Variants in LYRM4 observed in about 807,000 individuals in gnomAD.
The protein encoded by LYRM4 is LYR motif-containing protein 4.
Under a neutral mutation model 11.7 loss-of-function variants are expected in LYRM4, and 9 were observed. The observed-to-expected ratio is 0.77, with a 90% CI of 0.46 to 1.34. LYRM4 has a LOEUF of 1.34. LYRM4 is among the 40% of genes most tolerant of loss of function. The pLI is 0.00. For missense variants in LYRM4, 133 were observed against 112.5 expected (o/e 1.18, Z -0.82); for synonymous variants, 42 against 40.4 (o/e 1.04, Z -0.15).
chr6:5,253,557 TGCGACAACTC>T (rs1764528741), intron 1 of LYRM4, among the ~76,000 whole-genome samples: 1 of 152,166 alleles, frequency 6.6e-6, no homozygotes, highest in Non-Finnish European at 1.5e-5. Context: ...AGCGACAACT[TGCGACAACTC>T]ATTTGGCCTA....
the LYRM4 span, among the ~76,000 whole-genome samples, chr6:5,072,478 G>A: frequency 6.6e-6 from 1 of 151,720 alleles, no homozygotes; most frequent in East Asian, 1.9e-4. Flanking sequence ...CCACAACCTC[G>A]TCAGCATCTG....
intron 2 of LYRM4, among the ~76,000 whole-genome samples, chr6:5,193,457 G>C (rs1387281997): frequency 1.3e-5 from 2 of 152,168 alleles, no homozygotes; most frequent in Non-Finnish European, 2.9e-5. Flanking sequence ...TCCTCAGATA[G>C]AGCAGTGAAG....
the LYRM4 span, among the ~76,000 whole-genome samples, chr6:5,094,411 G>T: frequency 6.6e-6 from 1 of 152,188 alleles, no homozygotes; most frequent in Non-Finnish European, 1.5e-5. Context: ...TTGAGCCAAG[G>T]ACTTTGAGGC....
At chr6:5,041,221 TA>T in the LYRM4 span, among the ~76,000 whole-genome samples, 1 of 22,900 alleles carries the variant, frequency 4.4e-5, no homozygotes, top group Non-Finnish European at 2.7e-4. Flanking sequence ...GACAAACTTA[TA>T]GTTAAAAGCT....
chr6:5,225,306 T>C (rs917025383), intron 1 of LYRM4, among the ~76,000 whole-genome samples: 8 of 148,856 alleles, frequency 5.4e-5, no homozygotes, highest in African/African-American at 2.0e-4. Flanking sequence ...GTAAAAAAGA[T>C]GTAAGGTGGA....
At chr6:5,067,168 C>T in the LYRM4 span, among the ~76,000 whole-genome samples, 2 of 152,212 alleles carry the variant, frequency 1.3e-5, no homozygotes, top group African/African-American at 4.8e-5. Flanking sequence ...ACCACATTCC[C>T]CATGTGCATC....
intron 2 of LYRM4, among the ~76,000 whole-genome samples, chr6:5,212,583 G>C (rs1762040561): frequency 6.6e-6 from 1 of 152,192 alleles, no homozygotes; most frequent in African/African-American, 2.4e-5. Context: ...GATTTAGTGG[G>C]GGCTAGCCCA....
intron 2 of LYRM4, among the ~76,000 whole-genome samples, chr6:5,215,936 C>T (rs1015226463): frequency 6.6e-6 from 1 of 152,180 alleles, no homozygotes; most frequent in Non-Finnish European, 1.5e-5. Flanking sequence ...CATCAGTGGA[C>T]GGTGACTTTA....
At chr6:5,260,521 TC>T (rs1764991908) in intron 1 of LYRM4, 126 bp downstream of exon 1, 3 of 1,292,570 alleles carry the variant, frequency 2.3e-6, no homozygotes. Flanking sequence ...CGGAGCCCGG[TC>T]CTTGCCTCGC....
rs972375816 is a variant in LYRM4 at position 5,108,983 on chromosome 6, C to T, written c.*440G>A. The T allele has an allele frequency of 2.0e-6, 2 of 1,001,284 alleles. No individual in the cohort carries two copies. Among genetic ancestry groups the T allele is most frequent in the African/African-American group, 1.7e-5 (1 of 57,794 alleles). 62.0% of individuals were successfully genotyped at this position (1,001,284 alleles called of 1,614,324 possible). On this transcript the variant is annotated 3_prime_UTR_variant, in exon 3 of 3. Coordinates refer to ENST00000330636, the MANE Select transcript of LYRM4 (RefSeq NM_020408.6). Reference sequence around the variant, plus strand: ...TTCTCGTCTCAGAGTTGAACCCTCCCTGAGGGCCCCCAACAGCCCTCTCCA... The same window carrying T: ...TTCTCGTCTCAGAGTTGAACCCTCCTTGAGGGCCCCCAACAGCCCTCTCCA...
At chr6:5,120,505 G>A (rs983740826) in intron 2 of LYRM4, among the ~76,000 whole-genome samples, 1 of 152,148 alleles carries the variant, frequency 6.6e-6, no homozygotes, top group South Asian at 2.1e-4. Flanking sequence ...GCAGCAGCAA[G>A]ATTTATTGTG....
chr6:5,240,041 T>C (rs987407957), intron 1 of LYRM4, among the ~76,000 whole-genome samples: 1 of 152,140 alleles, frequency 6.6e-6, no homozygotes, highest in Non-Finnish European at 1.5e-5. Context: ...TTTCCTTCCA[T>C]TAAGGTAAAC....
chr6:5,098,172 C>T, the LYRM4 span, among the ~76,000 whole-genome samples: 1 of 152,176 alleles, frequency 6.6e-6, no homozygotes, highest in Non-Finnish European at 1.5e-5. Context: ...TACAGATAGT[C>T]TCTGCGCTTA....
At chr6:5,205,185 G>A (rs895883642) in intron 2 of LYRM4, among the ~76,000 whole-genome samples, 2 of 150,420 alleles carry the variant, frequency 1.3e-5, no homozygotes, top group Admixed American at 1.3e-4. Flanking sequence ...ACAATAAAGT[G>A]TGTTGTTGGT....
At chr6:5,167,905 C>T (rs116366016) in intron 2 of LYRM4, among the ~76,000 whole-genome samples, 2,116 of 151,022 alleles carry the variant, frequency 0.014, 42 homozygotes, top group African/African-American at 0.046. Flanking sequence ...CTTATACTAC[C>T]GGGAAAAGAC....
chr6:5,118,608 T>C (rs1763255351), intron 2 of LYRM4, among the ~76,000 whole-genome samples: 1 of 152,154 alleles, frequency 6.6e-6, no homozygotes, highest in Non-Finnish European at 1.5e-5. Context: ...GATCCCAGCA[T>C]GGAGAGGCAC....
chr6:5,207,580 G>A (rs1444619469), intron 2 of LYRM4, among the ~76,000 whole-genome samples: 1 of 152,202 alleles, frequency 6.6e-6, no homozygotes, highest in African/African-American at 2.4e-5. Flanking sequence ...AAGACAAGCA[G>A]TGAGGCATCA....
At chr6:5,045,335 C>T in the LYRM4 span, among the ~76,000 whole-genome samples, 50 of 152,166 alleles carry the variant, frequency 3.3e-4, no homozygotes, top group Non-Finnish European at 6.2e-4. Flanking sequence ...ACCTTGAGGA[C>T]ACTATGCTAA....
chr6:5,156,939 C>A (rs1012853588), intron 2 of LYRM4, among the ~76,000 whole-genome samples: 1 of 152,170 alleles, frequency 6.6e-6, no homozygotes, highest in Non-Finnish European at 1.5e-5. Context: ...CGCTTTAGCC[C>A]AATTCCACCT....
Sources: allele counts gnomAD v4.1 joint callset (sites outside exome capture counted in the v4.1 genomes callset), GRCh38; gene constraint gnomAD v4.1.1; transcripts MANE v1.5; gene names NCBI Gene and HGNC (gene_info 2026-07-23, HGNC 2026-07-21).